The following SIPA1L3 variants were observed in gnomAD, a reference collection of about 807,000 sequenced individuals.
SIPA1L3 encodes the protein signal induced proliferation associated 1 like 3.
SIPA1L3 carries 59 observed loss-of-function variants against 150.1 expected under a neutral mutation model. The ratio of observed to expected loss-of-function variants is 0.39; its 90% CI spans 0.32 to 0.49. The LOEUF (loss-of-function observed/expected upper bound fraction) is 0.49. Among genes scored for constraint, SIPA1L3 ranks in the 20% least tolerant of loss-of-function variants. SIPA1L3 has a pLI of 0.86. For missense variants in SIPA1L3, 2,211 were observed against 2,489.5 expected (o/e 0.89, Z 2.38); for synonymous variants, 1,070 against 1,077.6 (o/e 0.99, Z 0.14).
intron 4 of SIPA1L3, among the ~76,000 whole-genome samples, chr19:38,093,438 T>C (rs8111442): frequency 0.064 from 9,668 of 152,156 alleles, 1,019 homozygotes; most frequent in African/African-American, 0.22. Context: ...AATTCTCAGC[T>C]TACAGAACTG....
At chr19:37,932,882 G>GT (rs1449811439) in intron 1 of SIPA1L3, among the ~76,000 whole-genome samples, 1 of 152,012 alleles carries the variant, frequency 6.6e-6, no homozygotes, top group African/African-American at 2.4e-5. Context: ...TGAGAAAAAT[G>GT]GAGGACATTT....
At chr19:38,008,153 A>C (rs1195820048) in intron 1 of SIPA1L3, among the ~76,000 whole-genome samples, 1 of 151,400 alleles carries the variant, frequency 6.6e-6, no homozygotes, top group African/African-American at 2.4e-5. Flanking sequence ...TAAGAAATGA[A>C]GAACAAACTG....
intron 2 of SIPA1L3, among the ~76,000 whole-genome samples, chr19:38,050,330 C>G (rs566430212): frequency 7.2e-5 from 11 of 152,140 alleles, no homozygotes; most frequent in Admixed American, 2.6e-4. Flanking sequence ...GTGGCGCATG[C>G]CTGTAATCCC....
At chr19:38,059,192 G>A (rs544791704) in intron 2 of SIPA1L3, among the ~76,000 whole-genome samples, 1 of 151,606 alleles carries the variant, frequency 6.6e-6, no homozygotes, top group South Asian at 2.1e-4. Context: ...GGTAGAGATG[G>A]GGTCTCACTG....
chr19:37,945,591 A>T (rs1322148665), intron 1 of SIPA1L3, among the ~76,000 whole-genome samples: 1 of 152,006 alleles, frequency 6.6e-6, no homozygotes, highest in Non-Finnish European at 1.5e-5. Context: ...TTTTATAGAC[A>T]TACTCTAGGT....
chr19:37,998,053 G>A (rs1967687611), intron 1 of SIPA1L3, among the ~76,000 whole-genome samples: 1 of 152,148 alleles, frequency 6.6e-6, no homozygotes, highest in African/African-American at 2.4e-5. Flanking sequence ...CCTTGGGCAA[G>A]TAGCTTTACC....
At chr19:38,193,987 G>T (rs2146048819) in intron 18 of SIPA1L3, among the ~76,000 whole-genome samples, 1 of 152,230 alleles carries the variant, frequency 6.6e-6, no homozygotes, top group East Asian at 1.9e-4. Context: ...CATTGGCCAA[G>T]CATCAGAGGG....
Position 38,046,053 on chromosome 19 carries a change from T to G in SIPA1L3, c.-311+16897T>G, listed in dbSNP as rs1435723993. ...CAGTTTGTACCGCTCCAGGGTCACG[T>G]CAGAGACTCCAGAGCCGCCTCCACC... On this transcript the variant is annotated intron_variant, in intron 2 of 21. Transcript: ENST00000222345. The surrounding 1 kb of genome is among the most constrained non-coding windows in gnomAD (Gnocchi z 5.6). Among the ~76,000 whole-genome samples the G allele has an allele frequency of 6.6e-6, 1 of 152,162 alleles. No individual in the cohort carries two copies. Among genetic ancestry groups the G allele is most frequent in the Non-Finnish European group, 1.5e-5 (1 of 68,030 alleles).
intron 1 of SIPA1L3, among the ~76,000 whole-genome samples, chr19:37,991,352 C>T (rs1486241389): frequency 4.6e-5 from 7 of 152,182 alleles, no homozygotes; most frequent in Non-Finnish European, 8.8e-5. Context: ...GCTCTGTGGA[C>T]GTATCAGATG....
chr19:37,980,113 A>G (rs1362437773), intron 1 of SIPA1L3, among the ~76,000 whole-genome samples: 2 of 152,138 alleles, frequency 1.3e-5, no homozygotes, highest in African/African-American at 4.8e-5. Context: ...CATCACTCCC[A>G]CTTTGTTTTT....
chr19:38,192,047 A>G (rs763102433), intron 16 of SIPA1L3, 98 bp from the exon 17 acceptor site: 65 of 1,111,916 alleles, frequency 5.8e-5, no homozygotes, highest in Non-Finnish European at 8.0e-5. Context: ...GGCTGTGGCC[A>G]TGCGTCCCGT....
At chr19:37,970,885 G>T (rs768855861) in intron 1 of SIPA1L3, among the ~76,000 whole-genome samples, 1 of 152,240 alleles carries the variant, frequency 6.6e-6, no homozygotes, top group South Asian at 2.1e-4. Context: ...CAGTTTGAGA[G>T]TGAGCAGCCC....
At chr19:38,175,452 T>C (rs1972416949) in intron 15 of SIPA1L3, among the ~76,000 whole-genome samples, 1 of 152,158 alleles carries the variant, frequency 6.6e-6, no homozygotes, top group Admixed American at 6.5e-5. Flanking sequence ...GTTTTTCAGC[T>C]TTTTTTGGAA....
chr19:38,009,958 A>G (rs1968057891), intron 1 of SIPA1L3, among the ~76,000 whole-genome samples: 1 of 152,182 alleles, frequency 6.6e-6, no homozygotes, highest in Non-Finnish European at 1.5e-5. Flanking sequence ...GGTGTTTGCC[A>G]CACAAGAGAT....
At chr19:38,067,256 T>C (rs1169561662) in intron 2 of SIPA1L3, among the ~76,000 whole-genome samples, 3 of 152,010 alleles carry the variant, frequency 2.0e-5, no homozygotes, top group African/African-American at 7.3e-5. Context: ...AGTTCTAACT[T>C]ATTCTTTCTA....
chr19:37,952,254 T>C lies in SIPA1L3; in HGVS notation c.-379+44896T>C, dbSNP rs192877383. Among the ~76,000 whole-genome samples, 4 of 152,322 alleles carry C rather than the reference T, an allele frequency of 2.6e-5. No homozygotes were observed. The East Asian group carries it at 5.8e-4, about 22-fold the overall frequency. On this transcript the variant is annotated intron_variant, in intron 1 of 21. Transcript: ENST00000222345. ...TTTGGGTAACTGAACTTCTCAGTAA[T>C]GGGAGCCAAAACATTGGCCCTTTTT...
At chr19:37,970,646 T>C (rs10425248) in intron 1 of SIPA1L3, among the ~76,000 whole-genome samples, 1,742 of 152,276 alleles carry the variant, frequency 0.011, 34 homozygotes, top group African/African-American at 0.039. Flanking sequence ...GGTTGAACCC[T>C]CCTCTCCTGC....
chr19:38,002,212 C>G (rs1161637302), intron 1 of SIPA1L3, among the ~76,000 whole-genome samples: 1 of 152,184 alleles, frequency 6.6e-6, no homozygotes, highest in African/African-American at 2.4e-5. Context: ...CCCCAAGACC[C>G]CAGTCCCTGG....
intron 4 of SIPA1L3, among the ~76,000 whole-genome samples, chr19:38,093,904 C>T (rs1161875954): frequency 1.3e-5 from 2 of 152,210 alleles, no homozygotes; most frequent in Non-Finnish European, 2.9e-5. Flanking sequence ...CAGGGCTGCC[C>T]TGTCTCAGGT....
Sources: allele counts gnomAD v4.1 joint callset (sites outside exome capture counted in the v4.1 genomes callset), GRCh38; gene constraint gnomAD v4.1.1; non-coding constraint Gnocchi (gnomAD v3.1); transcripts MANE v1.5; gene names NCBI Gene and HGNC (gene_info 2026-07-23, HGNC 2026-07-21).